The following SLC39A11 variants were observed in gnomAD, a reference collection of about 807,000 sequenced individuals.
SLC39A11 encodes solute carrier family 39 member 11, also known as zinc transporter ZIP11.
A neutral mutation model predicts 36.1 loss-of-function variants in SLC39A11; 33 were observed. The observed-to-expected ratio is 0.91, with a 90% CI of 0.69 to 1.22. The LOEUF is 1.22. Among genes scored for constraint, SLC39A11 ranks in the 50% most tolerant of loss-of-function variants. SLC39A11 has a pLI of 0.00. For synonymous variants in SLC39A11, 166 were observed against 170.3 expected (o/e 0.97, Z 0.20); for missense variants, 432 against 430.3 (o/e 1.00, Z -0.03).
At chr17:72,723,821 C>T (rs2073811329) in intron 7 of SLC39A11, among the ~76,000 whole-genome samples, 1 of 152,136 alleles carries the variant, frequency 6.6e-6, no homozygotes, top group Non-Finnish European at 1.5e-5. Context: ...CCCAGAGATT[C>T]ACAAGCACCA....
chr17:72,942,588 CA>C (rs1365071201), intron 5 of SLC39A11, among the ~76,000 whole-genome samples: 1 of 152,030 alleles, frequency 6.6e-6, no homozygotes, highest in African/African-American at 2.4e-5. Context: ...ATATCAGTGA[CA>C]AAAGGAACAT....
intron 3 of SLC39A11, among the ~76,000 whole-genome samples, chr17:73,075,306 G>T (rs572145668): frequency 1.2e-4 from 18 of 152,198 alleles, no homozygotes; most frequent in Non-Finnish European, 2.2e-4. Flanking sequence ...TCATTTCTCA[G>T]CAGAGTCAAC....
intron 4 of SLC39A11, among the ~76,000 whole-genome samples, chr17:72,997,247 G>A (rs1256736089): frequency 3.9e-5 from 6 of 152,064 alleles, no homozygotes; most frequent in South Asian, 2.1e-4. Context: ...TCTCTTTAAC[G>A]TACAGAGTAG....
At chr17:72,803,032 T>C (rs566937228) in intron 6 of SLC39A11, among the ~76,000 whole-genome samples, 1 of 152,294 alleles carries the variant, frequency 6.6e-6, no homozygotes, top group Admixed American at 6.5e-5. Flanking sequence ...CCCACCGTCC[T>C]TTCTATCAAA....
intron 7 of SLC39A11, among the ~76,000 whole-genome samples, chr17:72,700,834 T>C (rs1567961756): frequency 6.6e-6 from 1 of 152,138 alleles, no homozygotes; most frequent in Non-Finnish European, 1.5e-5. Flanking sequence ...TATAAAACCA[T>C]CAGATCTCCT....
intron 6 of SLC39A11, among the ~76,000 whole-genome samples, chr17:72,787,238 T>A (rs181755897): frequency 1.3e-5 from 2 of 149,612 alleles, no homozygotes; most frequent in East Asian, 3.9e-4. Context: ...TCACTTTGAC[T>A]GCTATAACCC....
At chr17:72,944,403 GA>G (rs1268495742) in intron 5 of SLC39A11, among the ~76,000 whole-genome samples, 13 of 151,920 alleles carry the variant, frequency 8.6e-5, no homozygotes, top group Admixed American at 2.0e-4. Context: ...ATGAAGAAAA[GA>G]AAAAAAACTC....
intron 7 of SLC39A11, among the ~76,000 whole-genome samples, chr17:72,687,940 C>T (rs1050201487): frequency 6.6e-6 from 1 of 152,184 alleles, no homozygotes; most frequent in Admixed American, 6.5e-5. Flanking sequence ...ATAATTTGAA[C>T]CTCGGAGTGC....
chr17:72,741,646 T>C (rs538159936), intron 6 of SLC39A11, among the ~76,000 whole-genome samples: 21 of 152,264 alleles, frequency 1.4e-4, no homozygotes, highest in Middle Eastern at 3.4e-3. Flanking sequence ...GGAGCACTAG[T>C]ATTTGCATTA....
intron 7 of SLC39A11, among the ~76,000 whole-genome samples, chr17:72,676,868 G>A (rs376865994): frequency 3.3e-5 from 5 of 152,192 alleles, no homozygotes; most frequent in Admixed American, 6.5e-5. Context: ...AGTATTGTGC[G>A]TGTGCCGTCC....
chr17:72,838,659 C>T (rs557264048), intron 6 of SLC39A11, among the ~76,000 whole-genome samples: 4 of 152,206 alleles, frequency 2.6e-5, no homozygotes, highest in South Asian at 2.1e-4. Flanking sequence ...TACCAGTGAG[C>T]GTGGGGATGA....
intron 4 of SLC39A11, among the ~76,000 whole-genome samples, chr17:72,955,427 C>A (rs1171980852): frequency 6.7e-6 from 1 of 150,296 alleles, no homozygotes; most frequent in Non-Finnish European, 1.5e-5. Flanking sequence ...CTCAGCCTCT[C>A]GAGTAGTTGG....
chr17:73,039,803 G>A (rs1244353356), intron 3 of SLC39A11, among the ~76,000 whole-genome samples: 1 of 152,154 alleles, frequency 6.6e-6, no homozygotes, highest in Non-Finnish European at 1.5e-5. Flanking sequence ...GACTTTAGGA[G>A]ACCATTTAAT....
At chr17:73,047,722 C>T (rs2059342260) in intron 3 of SLC39A11, among the ~76,000 whole-genome samples, 1 of 151,722 alleles carries the variant, frequency 6.6e-6, no homozygotes, top group Admixed American at 6.6e-5. Context: ...AATCCCAGCA[C>T]TTTGGTAGGC....
At chr17:72,967,399 A>AGAGTGTGT (rs143987646) in intron 4 of SLC39A11, among the ~76,000 whole-genome samples, 1 of 138,200 alleles carries the variant, frequency 7.2e-6, no homozygotes, top group African/African-American at 2.8e-5. Flanking sequence ...AGAGAGAGAG[A>AGAGTGTGT]GTGTGTGTGT....
chr17:72,996,624 T>A (rs2089523632), intron 4 of SLC39A11, among the ~76,000 whole-genome samples: 1 of 152,204 alleles, frequency 6.6e-6, no homozygotes, highest in Non-Finnish European at 1.5e-5. Context: ...TTTGCTTCCC[T>A]TGTCTCTTCT....
chr17:72,721,362 G>A (rs1003960109), intron 7 of SLC39A11, among the ~76,000 whole-genome samples: 1 of 152,124 alleles, frequency 6.6e-6, no homozygotes, highest in African/African-American at 2.4e-5. Context: ...CTCCCAAAGT[G>A]TTGGGATTAC....
chr17:73,028,839 C>T (rs1456518251), intron 4 of SLC39A11, among the ~76,000 whole-genome samples: 3 of 150,466 alleles, frequency 2.0e-5, no homozygotes, highest in Non-Finnish European at 3.0e-5. Context: ...CTGCTGCAGC[C>T]GGGCACGGTG....
chr17:72,709,028 C>T (rs1434480744), intron 7 of SLC39A11, among the ~76,000 whole-genome samples: 1 of 152,010 alleles, frequency 6.6e-6, no homozygotes, highest in African/African-American at 2.4e-5. Context: ...CTCTGCCTCC[C>T]AGGTTCATGC....
Sources: allele counts gnomAD v4.1 joint callset (sites outside exome capture counted in the v4.1 genomes callset), GRCh38; gene constraint gnomAD v4.1.1; transcripts MANE v1.5; gene names NCBI Gene and HGNC (gene_info 2026-07-23, HGNC 2026-07-21).